The following HSD17B12 variants were observed in gnomAD, a reference collection of about 807,000 sequenced individuals.
HSD17B12 encodes hydroxysteroid 17-beta dehydrogenase 12.
In HSD17B12, 32 loss-of-function variants were observed where a neutral mutation model predicts 39.3. The observed-to-expected ratio is 0.81, with a 90% confidence interval of 0.61 to 1.09. The LOEUF is 1.09. HSD17B12 is among the 50% of genes least tolerant of loss of function. HSD17B12 has a pLI of 0.00. For synonymous variants in HSD17B12, 150 were observed against 146.7 expected (o/e 1.02, Z -0.16); for missense variants, 342 against 382.9 (o/e 0.89, Z 0.89).
At chr11:43,673,492 CTTTT>C in the HSD17B12 span, 9 of 83,914 alleles carry the variant, frequency 1.1e-4, no homozygotes, top group East Asian at 4.3e-4. Flanking sequence ...CTTTTCTTTT[CTTTT>C]TTTTTTTTTT....
chr11:43,618,849 G>T, the HSD17B12 span, among the ~76,000 whole-genome samples: 1 of 151,948 alleles, frequency 6.6e-6, no homozygotes, highest in Non-Finnish European at 1.5e-5. Context: ...CTTCTAAGCT[G>T]AATTGGTATT....
chr11:43,574,217 G>A, the HSD17B12 span, among the ~76,000 whole-genome samples: 4,958 of 152,280 alleles, frequency 0.033, 285 homozygotes, highest in African/African-American at 0.11. Flanking sequence ...ACAAAGAGTA[G>A]GAGATCCTGA....
the HSD17B12 span, among the ~76,000 whole-genome samples, chr11:43,598,116 G>C: frequency 6.6e-6 from 1 of 152,084 alleles, no homozygotes; most frequent in Non-Finnish European, 1.5e-5. Flanking sequence ...AGGTTATTGT[G>C]CATCCTAGGG....
At chr11:43,663,756 T>C in the HSD17B12 span, among the ~76,000 whole-genome samples, 1 of 152,224 alleles carries the variant, frequency 6.6e-6, no homozygotes, top group Non-Finnish European at 1.5e-5. Context: ...GAAGCATGTT[T>C]ACGTACAGGG....
At chr11:43,848,567 A>G (rs1345683178) in intron 9 of HSD17B12, 1 of 152,184 alleles carries the variant, frequency 6.6e-6, no homozygotes, top group Non-Finnish European at 1.5e-5. Context: ...AATACATACT[A>G]AAGTTTCAAA....
intron 2 of HSD17B12, 67 bp from the exon 3 acceptor site, chr11:43,753,979 G>T (rs891985226): frequency 2.2e-5 from 22 of 999,056 alleles, no homozygotes; most frequent in Admixed American, 3.9e-5. Flanking sequence ...TAAAATGGGG[G>T]TTATAGCTCA....
intron 3 of HSD17B12, among the ~76,000 whole-genome samples, chr11:43,792,596 A>G (rs1950877691): frequency 6.6e-6 from 1 of 151,528 alleles, no homozygotes; most frequent in African/African-American, 2.4e-5. Flanking sequence ...GTTTCTTATA[A>G]CTCTAAAATG....
chr11:43,733,839 A>G, intron 1 of HSD17B12: 3 of 685,798 alleles, frequency 4.4e-6, no homozygotes, highest in South Asian at 2.8e-5. Flanking sequence ...ACTCTGCCTT[A>G]TATAATGTGG....
chr11:43,636,692 G>A, the HSD17B12 span, among the ~76,000 whole-genome samples: 1 of 151,658 alleles, frequency 6.6e-6, no homozygotes, highest in African/African-American at 2.4e-5. Flanking sequence ...GATTTTTACT[G>A]TGTCAGGAAC....
chr11:43,623,476 GT>G, the HSD17B12 span, among the ~76,000 whole-genome samples: 1 of 151,578 alleles, frequency 6.6e-6, no homozygotes, highest in Non-Finnish European at 1.5e-5. Context: ...ATGATCAGCA[GT>G]TTTTAAAAAG....
At chr11:43,567,332 T>G in the HSD17B12 span, among the ~76,000 whole-genome samples, 1 of 152,094 alleles carries the variant, frequency 6.6e-6, no homozygotes, top group African/African-American at 2.4e-5. Flanking sequence ...AACCATCCAT[T>G]CTAGCCCAAC....
At chr11:43,671,083 T>A in the HSD17B12 span, among the ~76,000 whole-genome samples, 1 of 152,188 alleles carries the variant, frequency 6.6e-6, no homozygotes, top group Non-Finnish European at 1.5e-5. Flanking sequence ...TAAGTTTGCT[T>A]GCATAACTGT....
chr11:43,595,920 G>A, the HSD17B12 span, among the ~76,000 whole-genome samples: 2 of 152,160 alleles, frequency 1.3e-5, no homozygotes, highest in African/African-American at 4.8e-5. Flanking sequence ...GTGTTTGCAA[G>A]TTGGCCTGAA....
chr11:43,668,938 T>G, the HSD17B12 span, among the ~76,000 whole-genome samples: 1 of 152,084 alleles, frequency 6.6e-6, no homozygotes, highest in African/African-American at 2.4e-5. Flanking sequence ...AGCAATCCTC[T>G]ATGCCTTGGC....
intron 2 of HSD17B12, among the ~76,000 whole-genome samples, chr11:43,752,050 T>C (rs2134943144): frequency 6.6e-6 from 1 of 152,332 alleles, no homozygotes; most frequent in South Asian, 2.1e-4. Flanking sequence ...TCATGTCTCT[T>C]AGTCTCCATT....
chr11:43,649,652 T>C, the HSD17B12 span, among the ~76,000 whole-genome samples: 2 of 152,254 alleles, frequency 1.3e-5, no homozygotes. Flanking sequence ...GTTTTACATA[T>C]TCTTCTCTAT....
intron 3 of HSD17B12, among the ~76,000 whole-genome samples, chr11:43,759,508 G>A (rs1421563377): frequency 6.6e-6 from 1 of 151,932 alleles, no homozygotes; most frequent in Non-Finnish European, 1.5e-5. Context: ...TCTTAGCCAG[G>A]ATTATTCATA....
chr11:43,845,875 C>T (rs1193225520), intron 9 of HSD17B12, among the ~76,000 whole-genome samples: 2 of 152,230 alleles, frequency 1.3e-5, no homozygotes, highest in African/African-American at 4.8e-5. Flanking sequence ...GATGTAGCAT[C>T]AGTGATGTTT....
At chr11:43,610,142 A>G in the HSD17B12 span, among the ~76,000 whole-genome samples, 1 of 152,204 alleles carries the variant, frequency 6.6e-6, no homozygotes, top group Non-Finnish European at 1.5e-5. Flanking sequence ...AGTCACTTGA[A>G]TTATTCCATT....
Sources: gnomAD v4.1 joint callset for allele counts (sites outside exome capture counted in the v4.1 genomes callset) on GRCh38, gnomAD v4.1.1 for gene constraint, MANE v1.5 for transcripts, NCBI Gene and HGNC (gene_info 2026-07-23, HGNC 2026-07-21) for gene names.